Variants in IMPG1 observed in about 807,000 individuals in gnomAD.
The protein encoded by IMPG1 is interphotoreceptor matrix proteoglycan 1, also known as interphotoreceptor matrix proteoglycan of 150 kDa.
A neutral mutation model predicts 92.0 loss-of-function variants in IMPG1; 85 were observed. The observed-to-expected ratio is 0.92, with a 90% confidence interval of 0.78 to 1.11. The LOEUF (loss-of-function observed/expected upper bound fraction) is 1.11. Among genes scored for constraint, IMPG1 ranks in the 50% least tolerant of loss-of-function variants. The pLI is 0.00. For synonymous variants in IMPG1, 367 were observed against 334.1 expected, an observed-to-expected ratio of 1.10 and a Z score of -1.08; for missense variants, 1,022 against 956.0, an observed-to-expected ratio of 1.07 and a Z score of -0.91.
At chr6:75,927,986 TACG>T (rs1781587874) in intron 15 of IMPG1, among the ~76,000 whole-genome samples, 1 of 152,124 alleles carries the variant, frequency 6.6e-6, no homozygotes, top group South Asian at 2.1e-4. Flanking sequence ...TGATCTCACT[TACG>T]ACAACCTAGA....
chr6:76,024,222 G>A (rs1405069780), intron 5 of IMPG1, among the ~76,000 whole-genome samples: 1 of 152,102 alleles, frequency 6.6e-6, no homozygotes, highest in Admixed American at 6.5e-5. Flanking sequence ...TGTCAGTAAA[G>A]GAAGAAATGG....
chr6:75,990,052 A>G (rs915069480), intron 12 of IMPG1, among the ~76,000 whole-genome samples: 4 of 152,222 alleles, frequency 2.6e-5, no homozygotes, highest in Admixed American at 2.6e-4. Flanking sequence ...ATGGTCATTC[A>G]AAGCAAATAA....
At chr6:76,029,195 A>T (rs1783610182) in intron 4 of IMPG1, among the ~76,000 whole-genome samples, 1 of 152,188 alleles carries the variant, frequency 6.6e-6, no homozygotes, top group South Asian at 2.1e-4. Flanking sequence ...AGGAGCTCCA[A>T]GTTTATCTTT....
At chr6:76,043,970 C>T (rs1176335398) in intron 1 of IMPG1, among the ~76,000 whole-genome samples, 1 of 152,218 alleles carries the variant, frequency 6.6e-6, no homozygotes, top group Admixed American at 6.5e-5. Flanking sequence ...AAGCCATGTG[C>T]CTGGAGCAAG....
intron 4 of IMPG1, among the ~76,000 whole-genome samples, chr6:76,025,556 G>A (rs926311015): frequency 1.3e-5 from 2 of 152,138 alleles, no homozygotes; most frequent in Admixed American, 6.6e-5. Flanking sequence ...GGGGTCTAAT[G>A]TTGTAGTTCC....
chr6:76,013,031 C>A (rs182070789), intron 7 of IMPG1, among the ~76,000 whole-genome samples: 4 of 152,160 alleles, frequency 2.6e-5, no homozygotes, highest in Admixed American at 2.6e-4. Flanking sequence ...GTCTGGCATA[C>A]CCTCCCTATC....
intron 15 of IMPG1, among the ~76,000 whole-genome samples, chr6:75,925,977 T>C (rs1781542851): frequency 1.3e-5 from 2 of 152,170 alleles, no homozygotes; most frequent in African/African-American, 4.8e-5. Context: ...TATTTATTTA[T>C]TTGTTTAAAG....
intron 7 of IMPG1, among the ~76,000 whole-genome samples, chr6:76,011,558 AC>A (rs1783184357): frequency 6.6e-6 from 1 of 151,804 alleles, no homozygotes; most frequent in Admixed American, 6.6e-5. Flanking sequence ...TTTGAAGGAA[AC>A]TTTTTTATTT....
At chr6:75,964,893 C>G (rs1782280168) in intron 12 of IMPG1, among the ~76,000 whole-genome samples, 1 of 152,126 alleles carries the variant, frequency 6.6e-6, no homozygotes, top group African/African-American at 2.4e-5. Context: ...TTCTTAACAT[C>G]TGGCAACCAC....
intron 4 of IMPG1, among the ~76,000 whole-genome samples, chr6:76,028,370 G>A (rs1783588755): frequency 6.6e-6 from 1 of 152,188 alleles, no homozygotes; most frequent in Non-Finnish European, 1.5e-5. Context: ...AAATGTACAG[G>A]ACTCATGAGG....
intron 11 of IMPG1, 102 bp from the exon 12 acceptor site, chr6:76,003,098 A>G (rs1489144776): frequency 2.5e-6 from 2 of 796,986 alleles, no homozygotes; most frequent in Non-Finnish European, 4.3e-6. Context: ...AATTTAGGCA[A>G]ACTATTTTGT....
chr6:76,018,352 G>A (rs1408096756), intron 7 of IMPG1, among the ~76,000 whole-genome samples: 4 of 152,198 alleles, frequency 2.6e-5, no homozygotes, highest in Non-Finnish European at 5.9e-5. Context: ...ACGAAGTAAG[G>A]TAAATGGTAT....
intron 2 of IMPG1, among the ~76,000 whole-genome samples, chr6:76,038,218 C>A (rs1292540061): frequency 1.3e-5 from 2 of 152,164 alleles, no homozygotes; most frequent in Non-Finnish European, 2.9e-5. Context: ...AGTTCTGCTC[C>A]TTTCCCTGAT....
rs1327083368 is a variant in IMPG1 at position 76,034,687 on chromosome 6, G to A, written c.402C>T (p.Thr134=). 5.6e-6 allele frequency: 9 copies of A among 1,613,988 alleles called. No homozygotes were observed. Among genetic ancestry groups the A allele is most frequent in the Admixed American group, 3.3e-5 (2 of 60,000 alleles). Residue 134 remains threonine (T), a synonymous_variant, in exon 3 of 17, where the codon ACC becomes ACT. Coordinates refer to ENST00000369950, the MANE Select transcript of IMPG1 (RefSeq NM_001563.4). ...TTTTTCCAATGTCAAAGAGGCAGAA[G>A]GTCTCCTGCTGGCAGATGCTGACCC... The part of the protein sequence containing the change: ...QDWVSICQQE[T]FCLFDIGKNF...
At chr6:75,962,879 A>G (rs1782232478) in intron 12 of IMPG1, among the ~76,000 whole-genome samples, 1 of 151,994 alleles carries the variant, frequency 6.6e-6, no homozygotes, top group African/African-American at 2.4e-5. Flanking sequence ...CAACTCTACT[A>G]AAAATACAAA....
chr6:75,922,793 C>T (rs1007951968), intron 16 of IMPG1, among the ~76,000 whole-genome samples: 19 of 152,084 alleles, frequency 1.2e-4, no homozygotes, highest in Admixed American at 1.2e-3. Context: ...GGCACACATT[C>T]CCAGTGTGCA....
intron 7 of IMPG1, among the ~76,000 whole-genome samples, chr6:76,014,063 C>T (rs544566293): frequency 1.3e-5 from 2 of 152,322 alleles, no homozygotes; most frequent in African/African-American, 2.4e-5. Flanking sequence ...ATTGGTTCTG[C>T]TACTTTCTAG....
intron 2 of IMPG1, among the ~76,000 whole-genome samples, chr6:76,035,336 C>T (rs1783722208): frequency 6.6e-6 from 1 of 151,852 alleles, no homozygotes; most frequent in Non-Finnish European, 1.5e-5. Flanking sequence ...CTCGTCTCTA[C>T]TAAAAATACA....
chr6:75,940,022 A>G (rs1781811647), intron 14 of IMPG1, among the ~76,000 whole-genome samples: 1 of 152,216 alleles, frequency 6.6e-6, no homozygotes, highest in South Asian at 2.1e-4. Context: ...CACAGCTGCT[A>G]AAGAAGCTCC....
Sources: gnomAD v4.1 joint callset for allele counts (sites outside exome capture counted in the v4.1 genomes callset) on GRCh38, gnomAD v4.1.1 for gene constraint, MANE v1.5 for transcripts, NCBI Gene and HGNC (gene_info 2026-07-23, HGNC 2026-07-21) for gene names.